ENOX1: variants seen among roughly 807,000 people sequenced by gnomAD.
ENOX1 encodes the protein candidate growth-related and time keeping constitutive hydroquinone (NADH) oxidase.
Under a neutral mutation model 82.5 loss-of-function variants are expected in ENOX1, and 42 were observed. That is an observed-to-expected ratio of 0.51 (90% CI 0.40 to 0.66). ENOX1 has a LOEUF of 0.66. ENOX1 is among the 30% of genes least tolerant of loss of function. The probability of loss-of-function intolerance (pLI) is 0.00; values close to 1 mark genes in which losing one functional copy is unlikely to be tolerated. For missense variants in ENOX1, 608 were observed against 811.6 expected, an observed-to-expected ratio of 0.75 and a Z score of 3.05; for synonymous variants, 271 against 282.2, an observed-to-expected ratio of 0.96 and a Z score of 0.40.
chr13:43,607,274 G>C (rs745971373), intron 2 of ENOX1, among the ~76,000 whole-genome samples: 1 of 152,020 alleles, frequency 6.6e-6, no homozygotes, highest in Non-Finnish European at 1.5e-5. Flanking sequence ...AAATCACAGA[G>C]TATTGGATTA....
chr13:43,737,448 T>C (rs2089687753), intron 1 of ENOX1, among the ~76,000 whole-genome samples: 1 of 152,146 alleles, frequency 6.6e-6, no homozygotes, highest in African/African-American at 2.4e-5. Flanking sequence ...GTCTGTCAGG[T>C]TCAACTCTCT....
intron 15 of ENOX1, among the ~76,000 whole-genome samples, chr13:43,228,720 G>A (rs2042136906): frequency 6.6e-6 from 1 of 152,236 alleles, no homozygotes; most frequent in Non-Finnish European, 1.5e-5. Context: ...TTAGCAGCCA[G>A]GAGGTGGCAA....
At chr13:43,701,208 AT>A (rs2086889997) in intron 1 of ENOX1, among the ~76,000 whole-genome samples, 2 of 152,192 alleles carry the variant, frequency 1.3e-5, no homozygotes, top group South Asian at 2.1e-4. Context: ...AATTTCCTCA[AT>A]AAAGAGATGT....
intron 12 of ENOX1, among the ~76,000 whole-genome samples, chr13:43,285,557 A>G (rs1311471684): frequency 2.0e-5 from 3 of 152,100 alleles, no homozygotes; most frequent in Non-Finnish European, 4.4e-5. Context: ...TCATATAAGA[A>G]GGATTTTTTT....
At chr13:43,576,475 C>A (rs2080427957) in intron 2 of ENOX1, among the ~76,000 whole-genome samples, 1 of 152,142 alleles carries the variant, frequency 6.6e-6, no homozygotes, top group African/African-American at 2.4e-5. Flanking sequence ...AGCAATATGG[C>A]AGCCACATGT....
chr13:43,273,167 G>A (rs937760140), intron 12 of ENOX1, among the ~76,000 whole-genome samples: 42 of 152,172 alleles, frequency 2.8e-4, no homozygotes, highest in African/African-American at 8.0e-4. Flanking sequence ...CAGTCTAAAC[G>A]TCTTTCCCTG....
intron 1 of ENOX1, among the ~76,000 whole-genome samples, chr13:43,681,346 T>A (rs1376875490): frequency 2.0e-5 from 3 of 152,132 alleles, no homozygotes; most frequent in African/African-American, 7.2e-5. Flanking sequence ...TATAGCTCTA[T>A]AATGGCACAA....
chr13:43,427,219 A>C (rs745352268), intron 3 of ENOX1, among the ~76,000 whole-genome samples: 3 of 152,218 alleles, frequency 2.0e-5, no homozygotes, highest in African/African-American at 7.2e-5. Context: ...TCTGCCAGCC[A>C]ACACACTCCC....
At chr13:43,367,122 G>A (rs931626187) in intron 5 of ENOX1, among the ~76,000 whole-genome samples, 20 of 152,154 alleles carry the variant, frequency 1.3e-4, no homozygotes, top group African/African-American at 4.8e-4. Context: ...TTCCTTCACA[G>A]ATGTGGAAAT....
intron 1 of ENOX1, among the ~76,000 whole-genome samples, chr13:43,764,989 G>A (rs17539382): frequency 0.034 from 5,237 of 152,250 alleles, 142 homozygotes; most frequent in Non-Finnish European, 0.055. Flanking sequence ...TTTGCTTCAC[G>A]GGCAGAACAC....
At chr13:43,522,665 C>T (rs1412073842) in intron 2 of ENOX1, among the ~76,000 whole-genome samples, 1 of 152,118 alleles carries the variant, frequency 6.6e-6, no homozygotes, top group Non-Finnish European at 1.5e-5. Context: ...GCACAGTTCC[C>T]CTCTTTGCAT....
At chr13:43,584,986 G>T (rs973627415) in intron 2 of ENOX1, among the ~76,000 whole-genome samples, 2 of 152,196 alleles carry the variant, frequency 1.3e-5, no homozygotes, top group African/African-American at 4.8e-5. Flanking sequence ...GCCTCCCAAA[G>T]ATGTGAACGT....
At chr13:43,507,230 A>G (rs1474923205) in intron 2 of ENOX1, among the ~76,000 whole-genome samples, 1 of 152,014 alleles carries the variant, frequency 6.6e-6, no homozygotes. Flanking sequence ...ACTACTAAGA[A>G]TGCCAAGGAG....
chr13:43,331,969 G>T (rs1163331984), intron 9 of ENOX1, among the ~76,000 whole-genome samples: 3 of 152,124 alleles, frequency 2.0e-5, no homozygotes, highest in African/African-American at 7.2e-5. Flanking sequence ...CTTTAAGGAG[G>T]GATGGACCGG....
At chr13:43,626,899 C>T (rs1302773034) in intron 2 of ENOX1, among the ~76,000 whole-genome samples, 1 of 152,012 alleles carries the variant, frequency 6.6e-6, no homozygotes, top group East Asian at 1.9e-4. Context: ...GAACTCTCCA[C>T]ATATAATTGT....
intron 14 of ENOX1, among the ~76,000 whole-genome samples, chr13:43,248,128 G>A (rs991600972): frequency 6.4e-4 from 97 of 150,700 alleles, no homozygotes; most frequent in African/African-American, 2.3e-3. Flanking sequence ...CTCGTGATCC[G>A]CCCGCCTCGG....
At chr13:43,310,885 G>A (rs2047162865) in intron 11 of ENOX1, among the ~76,000 whole-genome samples, 1 of 151,464 alleles carries the variant, frequency 6.6e-6, no homozygotes, top group African/African-American at 2.4e-5. Context: ...AGAAAAAAAG[G>A]TAGAGCTGTT....
Position 43,361,243 on chromosome 13 carries a change from T to A in ENOX1, c.382+36A>T, listed in dbSNP as rs767568541. 1.1e-5 allele frequency: 17 copies of A among 1,597,172 alleles called. No homozygotes were observed. In the Middle Eastern group the frequency reaches 5.0e-4, roughly 47 times the overall value. ...TTTAAAATTTAAAAAGAAAAACATT[T>A]AAAATGAGCAAATATTTCTCATAGG... On this transcript the variant is annotated intron_variant, in intron 6 of 16. Coordinates refer to ENST00000690772, the MANE Select transcript of ENOX1 (RefSeq NM_001347969.2).
At chr13:43,384,687 CA>C (rs1257421488) in intron 5 of ENOX1, among the ~76,000 whole-genome samples, 1 of 152,156 alleles carries the variant, frequency 6.6e-6, no homozygotes, top group Non-Finnish European at 1.5e-5. Context: ...CAGGAGAAAA[CA>C]AACCTGTCAG....
Sources: gnomAD v4.1 joint callset for allele counts (sites outside exome capture counted in the v4.1 genomes callset) on GRCh38, gnomAD v4.1.1 for gene constraint, MANE v1.5 for transcripts, NCBI Gene and HGNC (gene_info 2026-07-23, HGNC 2026-07-21) for gene names.